Variants in TRMT44 observed in about 807,000 individuals in gnomAD.
TRMT44 encodes the protein tRNA methyltransferase 44 homolog, also known as probable tRNA (uracil-O(2)-)-methyltransferase.
A neutral mutation model predicts 77.3 loss-of-function variants in TRMT44; 78 were observed. The ratio of observed to expected loss-of-function variants is 1.01; its 90% confidence interval spans 0.84 to 1.22. TRMT44 has a LOEUF of 1.22. TRMT44 is among the 50% of genes most tolerant of loss of function. The pLI is 0.00. For synonymous variants in TRMT44, 391 were observed against 383.3 expected (o/e 1.02, Z -0.23); for missense variants, 1,090 against 964.4 (o/e 1.13, Z -1.73).
the TRMT44 span, among the ~76,000 whole-genome samples, chr4:8,514,184 C>T: frequency 6.6e-6 from 1 of 151,714 alleles, no homozygotes; most frequent in Non-Finnish European, 1.5e-5. Context: ...CACAGGGCAC[C>T]TGGCACATAT....
At chr4:8,480,814 C>T (rs976539887), downstream of TRMT44, among the ~76,000 whole-genome samples, 1 of 152,078 alleles carries the variant, frequency 6.6e-6, no homozygotes, top group Non-Finnish European at 1.5e-5. Context: ...TTTATTTAAC[C>T]CTATATATTA....
In TRMT44 at chr4:8,471,124, G is replaced by C; in HGVS notation, c.1968G>C (p.Thr656=). ...CAGAAGTAGCCAACGAGCTGGACAC[G>C]GAGACCCTGCGGAGGCTGAAGCGGG... ...SLAEVANELD[T]ETLRRLKREC... is the part of the protein sequence containing the mutation. The change falls in exon 10 of 11, where the codon ACG becomes ACC. Residue 656 remains threonine, a synonymous_variant. Coordinates refer to ENST00000389737, the MANE Select transcript of TRMT44 (RefSeq NM_152544.3). The C allele has an allele frequency of 1.9e-6, 3 of 1,608,442 alleles. No individual in the cohort carries two copies. The highest frequency in any genetic ancestry group is 2.5e-6 in the Non-Finnish European group (3 of 1,177,216).
intron 6 of TRMT44, among the ~76,000 whole-genome samples, chr4:8,460,724 T>C (rs573200293): frequency 6.6e-6 from 1 of 152,244 alleles, no homozygotes; most frequent in African/African-American, 2.4e-5. Context: ...GCCTGACTAA[T>C]TGTATTTTTA....
chr4:8,470,337 A>G (rs550781918), intron 9 of TRMT44, among the ~76,000 whole-genome samples: 2 of 152,248 alleles, frequency 1.3e-5, no homozygotes, highest in African/African-American at 4.8e-5. Flanking sequence ...TCAGCTGCAT[A>G]CAGACAGGCG....
intron 2 of TRMT44, among the ~76,000 whole-genome samples, chr4:8,487,278 C>T (rs1727839266): frequency 6.6e-6 from 1 of 151,806 alleles, no homozygotes; most frequent in South Asian, 2.1e-4. Context: ...TTCTTGAGAG[C>T]ACAGGCTAAG....
chr4:8,484,693 A>T (rs556893640), intron 2 of TRMT44, among the ~76,000 whole-genome samples: 1 of 152,196 alleles, frequency 6.6e-6, no homozygotes, highest in African/African-American at 2.4e-5. Flanking sequence ...AGGAACAGAA[A>T]GAGGAGTGGG....
chr4:8,468,051 C>G lies in TRMT44; in HGVS notation c.1632C>G (p.Arg544=). The change falls in exon 9 of 11, where the codon CGC becomes CGG. Residue 544 remains arginine, a synonymous_variant. Transcript: ENST00000389737. ...PPGWELSPSP[R]WVAAGSAGHC... ...GCTGGGAGCTTTCCCCTTCTCCACGCTGGGTTGCTGCTGGCAGTGCTGGTC... is the reference window on the plus strand; with the variant it reads ...GCTGGGAGCTTTCCCCTTCTCCACGGTGGGTTGCTGCTGGCAGTGCTGGTC... 1 of 1,613,966 alleles carries G rather than the reference C, an allele frequency of 6.2e-7. No individual in the cohort carries two copies. Among genetic ancestry groups the G allele is most frequent in the African/African-American group, 1.3e-5 (1 of 75,064 alleles).
Position 8,468,270 on chromosome 4 carries a change from G to A in TRMT44, c.1851G>A (p.Ala617=), listed in dbSNP as rs1466820839. The A allele has an allele frequency of 3.1e-6, 5 of 1,614,118 alleles. No individual in the cohort carries two copies. The highest frequency in any genetic ancestry group is 1.3e-5 in the African/African-American group (1 of 74,944). The change falls in exon 9 of 11, where the codon GCG becomes GCA. Residue 617 remains alanine, a synonymous_variant. Coordinates refer to ENST00000389737, the MANE Select transcript of TRMT44 (RefSeq NM_152544.3). ...TTGACCAAGTGGTTTTGCAAGTAGCGAATTTACTGTTAGGTGGAAAGCAAT... is the reference window on the plus strand; with the variant it reads ...TTGACCAAGTGGTTTTGCAAGTAGCAAATTTACTGTTAGGTGGAAAGCAAT... The part of the protein sequence containing the change: ...DFIDQVVLQV[A]NLLLGGKQLN...
At chr4:8,471,686 G>A (rs1185968337) in intron 10 of TRMT44, among the ~76,000 whole-genome samples, 6 of 152,242 alleles carry the variant, frequency 3.9e-5, no homozygotes, top group East Asian at 1.9e-4. Flanking sequence ...CTGGGCAGGC[G>A]GAGGTCCTGG....
Position 8,446,697 on chromosome 4 carries a change from G to T in TRMT44, c.734+107G>T. 1.4e-6 allele frequency: 1 copy of T among 712,940 alleles called. No individual in the cohort carries two copies. The highest frequency in any genetic ancestry group is 2.3e-6 in the Non-Finnish European group (1 of 441,594). The allele number at this position is 712,940 out of a possible 1,614,324, so 44.2% of individuals were successfully genotyped here. On this transcript the variant is annotated intron_variant, in intron 2 of 10. Transcript: ENST00000389737. The surrounding 1 kb of genome is among the most constrained non-coding windows in gnomAD (Gnocchi z 4.3). ...GGGCTTAAGGTCCTGTCTCTGAGGT[G>T]GTTATGGTTTGTAGGAATGCAGTTG...
At position 8,461,779 on chromosome 4, in the gene TRMT44, T is replaced by C. The variant is rs373848886; in HGVS notation, c.1204-2206T>C. On this transcript the variant is annotated intron_variant, in intron 6 of 10. Coordinates refer to ENST00000389737, the MANE Select transcript of TRMT44 (RefSeq NM_152544.3). This position sits in a 1 kb window ranked among gnomAD's most constrained non-coding sequence, Gnocchi z 4.6. ...TAAATAAATGCCAGGAGTTCTGTCA[T>C]GCTTTCTGCCTTGGAGGAGCATGGC... is the stretch of plus-strand genomic sequence containing the variant. Among the ~76,000 whole-genome samples, 1 of 152,196 alleles carries C rather than the reference T, an allele frequency of 6.6e-6. No individual in the cohort carries two copies. The highest frequency in any genetic ancestry group is 1.9e-4 in the East Asian group (1 of 5,196).
intron 2 of TRMT44, among the ~76,000 whole-genome samples, chr4:8,490,176 TC>T (rs746641034): frequency 6.6e-6 from 1 of 152,008 alleles, no homozygotes; most frequent in African/African-American, 2.4e-5. Context: ...CCCCACGCCT[TC>T]CCCGAAACTG....
chr4:8,452,845 T>C lies in TRMT44; in HGVS notation c.1024-37T>C. On this transcript the variant is annotated intron_variant, in intron 4 of 10. Coordinates refer to ENST00000389737, the MANE Select transcript of TRMT44 (RefSeq NM_152544.3). This position sits in a 1 kb window ranked among gnomAD's most constrained non-coding sequence, Gnocchi z 5.7. ...TAAATTATTCTTGCGTAGAGTGAATTACCACCTGACTTTGTTTTGTTTTTC... is the reference window on the plus strand; with the variant it reads ...TAAATTATTCTTGCGTAGAGTGAATCACCACCTGACTTTGTTTTGTTTTTC... The C allele has an allele frequency of 1.6e-6, 2 of 1,289,456 alleles. No individual in the cohort carries two copies. Among genetic ancestry groups the C allele is most frequent in the East Asian group, 2.6e-5 (1 of 38,742 alleles). 79.9% of individuals were successfully genotyped at this position (1,289,456 alleles called of 1,614,324 possible).
At position 8,465,431 on chromosome 4, in the gene TRMT44, T is replaced by C. The variant is rs1380806945; in HGVS notation, c.1364T>C (p.Ile455Thr). ...FVLPCCFFDF[I>T]GRYSRRQSKK... ...CTCCCCTGCTGCTTCTTTGACTTCA[T>C]TGGAAGATACTCCCGGAGGCAGAGT... The change falls in exon 8 of 11, where the codon ATT (isoleucine) becomes ACT (threonine). Residue 455 changes from isoleucine (I) to threonine (T), a missense_variant. Physicochemically the swap from Ile to Thr is moderately conservative, Grantham distance 89. Coordinates refer to ENST00000389737, the MANE Select transcript of TRMT44 (RefSeq NM_152544.3). The C allele has an allele frequency of 2.5e-6, 4 of 1,613,944 alleles. No individual in the cohort carries two copies. The highest frequency in any genetic ancestry group is 1.3e-5 in the African/African-American group (1 of 74,894).
chr4:8,466,284 G>A (rs1262883294), intron 8 of TRMT44, among the ~76,000 whole-genome samples: 1 of 152,258 alleles, frequency 6.6e-6, no homozygotes, highest in Non-Finnish European at 1.5e-5. Context: ...GCTGATCTGA[G>A]TGAAGCCTCG....
rs551589894 is a variant in TRMT44 at position 8,447,927 on chromosome 4, C to T, written c.734+1337C>T. On this transcript the variant is annotated intron_variant, in intron 2 of 10. Coordinates refer to ENST00000389737, the MANE Select transcript of TRMT44 (RefSeq NM_152544.3). ...GGGGCAGTGGGCACCTGGTGCAGGG[C>T]GGGGTTGCAGGAGGTGCTTGGCATG... is the stretch of plus-strand genomic sequence containing the variant. 7.2e-4 allele frequency among the ~76,000 whole-genome samples: 110 copies of T among 152,248 alleles called. 2 individuals are homozygous for T. The highest frequency in any genetic ancestry group is 1.0e-3 in the South Asian group (5 of 4,820).
At chr4:8,488,980 G>A (rs1283678888) in intron 2 of TRMT44, among the ~76,000 whole-genome samples, 1 of 152,182 alleles carries the variant, frequency 6.6e-6, no homozygotes, top group Non-Finnish European at 1.5e-5. Context: ...GATCTTGAAA[G>A]GAACTGTGTT....
chr4:8,467,502 A>T (rs1005163669), intron 8 of TRMT44, among the ~76,000 whole-genome samples: 4 of 151,938 alleles, frequency 2.6e-5, no homozygotes, highest in African/African-American at 9.7e-5. Flanking sequence ...TTATTTTGAG[A>T]TGGAGTTTTT....
chr4:8,498,309 C>T (rs972861451), downstream of TRMT44, among the ~76,000 whole-genome samples: 3 of 152,206 alleles, frequency 2.0e-5, no homozygotes, highest in Non-Finnish European at 4.4e-5. The surrounding 1 kb of genome is among the most constrained non-coding windows in gnomAD (Gnocchi z 4.3). Flanking sequence ...CACCTCCCTT[C>T]TTGTAGGGGT....
Sources: gnomAD v4.1 joint callset for allele counts (sites outside exome capture counted in the v4.1 genomes callset) on GRCh38, gnomAD v4.1.1 for gene constraint, Gnocchi (gnomAD v3.1) non-coding constraint, MANE v1.5 for transcripts, NCBI Gene and HGNC (gene_info 2026-07-23, HGNC 2026-07-21) for gene names.